Variants in MCF2L observed in about 807,000 individuals in gnomAD.
The protein encoded by MCF2L is MCF.2 cell line derived transforming sequence like.
A neutral mutation model predicts 153.4 loss-of-function variants in MCF2L; 97 were observed. The observed-to-expected ratio is 0.63, with a 90% CI of 0.54 to 0.75. MCF2L has a LOEUF of 0.75. MCF2L is among the 30% of genes least tolerant of loss of function. MCF2L has a pLI of 0.00. For synonymous variants in MCF2L, 659 were observed against 632.2 expected (o/e 1.04, Z -0.64); for missense variants, 1,347 against 1,495.2 (o/e 0.90, Z 1.64).
intron 1 of MCF2L, among the ~76,000 whole-genome samples, chr13:112,991,165 C>T (rs948041825): frequency 3.9e-5 from 6 of 152,224 alleles, no homozygotes; most frequent in African/African-American, 1.4e-4. Flanking sequence ...CACAGCACTG[C>T]CCTCACTGAG....
Position 113,046,600 on chromosome 13 carries a change from T to C in MCF2L, c.369+1239T>C, listed in dbSNP as rs2086831174. 1 of 533,278 alleles carries C rather than the reference T, an allele frequency of 1.9e-6. No homozygotes were observed. Among genetic ancestry groups the C allele is most frequent in the African/African-American group, 1.9e-5 (1 of 51,934 alleles). 33.0% of individuals were successfully genotyped at this position (533,278 alleles called of 1,614,324 possible). A position where few individuals can be genotyped will look rare whatever the true frequency, so the allele number is the denominator to read the frequency against. ...CTCATTCCTTCATCTTTTACAAGAA[T>C]TAGAGGCCCCATATCTGCTCCGATG... On this transcript the variant is annotated intron_variant, in intron 4 of 29. Transcript: ENST00000535094. This position sits in a 1 kb window ranked among gnomAD's most constrained non-coding sequence, Gnocchi z 4.4.
At chr13:112,917,842 C>T (rs1261155835) in intron 2 of MCF2L, among the ~76,000 whole-genome samples, 1 of 152,210 alleles carries the variant, frequency 6.6e-6, no homozygotes, top group Non-Finnish European at 1.5e-5. Context: ...TACAAGAAAG[C>T]TGGCTTCTAG....
chr13:113,090,535 C>T (rs1210788647), intron 26 of MCF2L: 43 of 983,928 alleles, frequency 4.4e-5, no homozygotes, highest in African/African-American at 8.9e-5. Context: ...TGGCAGAGGC[C>T]GCTCAGCCAT....
At chr13:113,095,943 G>T (rs937231139) in intron 27 of MCF2L, 2 of 508,596 alleles carry the variant, frequency 3.9e-6, no homozygotes, top group Non-Finnish European at 5.7e-6. Context: ...AGAGGAGTGA[G>T]GCTTGGGGAG....
chr13:113,029,593 G>A (rs1440954470), intron 3 of MCF2L, among the ~76,000 whole-genome samples: 2 of 152,180 alleles, frequency 1.3e-5, no homozygotes, highest in African/African-American at 4.8e-5. Flanking sequence ...TGCCCACTGC[G>A]CCCTGAGGGT....
At chr13:112,896,841 C>G (rs376828213) in intron 1 of MCF2L, among the ~76,000 whole-genome samples, 2 of 152,236 alleles carry the variant, frequency 1.3e-5, no homozygotes, top group African/African-American at 4.8e-5. Flanking sequence ...TGAGTCCCAC[C>G]ACAGAGCTTC....
chr13:112,974,258 C>T (rs2082144125), intron 1 of MCF2L, among the ~76,000 whole-genome samples: 1 of 152,182 alleles, frequency 6.6e-6, no homozygotes, highest in Admixed American at 6.5e-5. Context: ...TCCGCAAAGG[C>T]ACCCGGGCAT....
chr13:113,016,469 C>T (rs1224158044), intron 2 of MCF2L, among the ~76,000 whole-genome samples: 1 of 152,194 alleles, frequency 6.6e-6, no homozygotes, highest in East Asian at 1.9e-4. Context: ...CCGGCAACCC[C>T]TCCACGTGGG....
chr13:113,027,876 G>A lies in MCF2L; in HGVS notation c.278+3118G>A, dbSNP rs1189922705. The stretch of plus-strand genomic sequence containing the variant: ...CCCCGAGGACGTAGGCTCCAGGTGT[G>A]CTGTGGCCAGAGGGGTGTCCTGGGG... On this transcript the variant is annotated intron_variant, in intron 3 of 29. Transcript: ENST00000535094. This position sits in a 1 kb window ranked among gnomAD's most constrained non-coding sequence, Gnocchi z 4.8. 1.3e-5 allele frequency among the ~76,000 whole-genome samples: 2 copies of A among 152,234 alleles called. No individual in the cohort carries two copies. Among genetic ancestry groups the A allele is most frequent in the Non-Finnish European group, 2.9e-5 (2 of 68,034 alleles).
Position 113,064,441 on chromosome 13 carries a change from C to A in MCF2L, c.606+21C>A, listed in dbSNP as rs367784581. ...GCACGGTGAGCCGCGTCGGGGCCAG[C>A]GGGGCTGGCTGATACCAGCTCGAGT... On this transcript the variant is annotated intron_variant, in intron 6 of 29. Transcript: ENST00000535094. This position sits in a 1 kb window ranked among gnomAD's most constrained non-coding sequence, Gnocchi z 6.0. The A allele has an allele frequency of 1.3e-5, 20 of 1,529,272 alleles. No individual in the cohort carries two copies. Among genetic ancestry groups the A allele is most frequent in the Non-Finnish European group, 3.6e-6 (4 of 1,106,756 alleles). 94.7% of individuals were successfully genotyped at this position (1,529,272 alleles called of 1,614,324 possible).
chr13:113,079,310 C>A (rs950354837), intron 15 of MCF2L, among the ~76,000 whole-genome samples: 11 of 152,146 alleles, frequency 7.2e-5, no homozygotes, highest in African/African-American at 2.7e-4. Context: ...GAATGCAGGT[C>A]CCCAGAGCAA....
chr13:113,030,395 C>T (rs75647847), intron 3 of MCF2L, among the ~76,000 whole-genome samples: 9,425 of 106,518 alleles, frequency 0.088, 350 homozygotes, highest in East Asian at 0.23. Flanking sequence ...GGGTGTCCGC[C>T]GACGCAGATG....
At chr13:113,058,969 C>CTGTTTGGGTGTTGAG (rs2030877875) in intron 4 of MCF2L, among the ~76,000 whole-genome samples, 1 of 144,958 alleles carries the variant, frequency 6.9e-6, no homozygotes, top group South Asian at 2.2e-4. Context: ...TGTTTCAGCG[C>CTGTTTGGGTGTTGAG]TGTTTGGGTG....
chr13:112,926,788 C>T (rs949053289), intron 2 of MCF2L, among the ~76,000 whole-genome samples: 2 of 151,900 alleles, frequency 1.3e-5, no homozygotes, highest in Admixed American at 1.3e-4. Context: ...GAGTGGCGGT[C>T]GCCTGGGGCA....
rs372294819 is a variant in MCF2L, at chr13:113,059,879, A to G, written c.370-714A>G. Among the ~76,000 whole-genome samples, 155 of 152,354 alleles carry G rather than the reference A, an allele frequency of 1.0e-3. 3 individuals are homozygous for G. In the South Asian group the frequency reaches 0.031, roughly 30 times the overall value. ...AAGATTATTTTTATTTTTGTAGGTA[A>G]CACACACATGTGTCTATGTTGCTTT... On this transcript the variant is annotated intron_variant, in intron 4 of 29. Transcript: ENST00000535094.
rs1397821762 is a variant in MCF2L, at chr13:113,053,793, G to C, written c.370-6800G>C. Reference sequence around the variant, plus strand: ...TCTCCTCCTGTGTCCCTGCAGCTGTGTCTCCAGTGATCTTGCCTGTACTCT... The same window carrying C: ...TCTCCTCCTGTGTCCCTGCAGCTGTCTCTCCAGTGATCTTGCCTGTACTCT... On this transcript the variant is annotated intron_variant, in intron 4 of 29. Coordinates refer to ENST00000535094, the MANE Select transcript of MCF2L (RefSeq NM_001112732.3). This position sits in a 1 kb window ranked among gnomAD's most constrained non-coding sequence, Gnocchi z 4.4. Among the ~76,000 whole-genome samples, 1 of 152,168 alleles carries C rather than the reference G, an allele frequency of 6.6e-6. No individual in the cohort carries two copies. The highest frequency in any genetic ancestry group is 1.5e-5 in the Non-Finnish European group (1 of 68,036).
chr13:113,094,651 C>G lies in MCF2L; in HGVS notation c.3075+16C>G. The stretch of plus-strand genomic sequence containing the variant: ...CAAGAAGCTGGTAACCACGGCTTCC[C>G]TGTGGGCACTTGGGGTGGGGGCTGC... On this transcript the variant is annotated intron_variant, in intron 27 of 29. Coordinates refer to ENST00000535094, the MANE Select transcript of MCF2L (RefSeq NM_001112732.3). 6.2e-7 allele frequency: 1 copy of G among 1,604,106 alleles called. No homozygotes were observed. Among genetic ancestry groups the G allele is most frequent in the African/African-American group, 1.3e-5 (1 of 74,868 alleles).
rs528649654 is a variant in MCF2L, at chr13:112,907,435, G to A, written c.169+5064G>A. ...ATCCTCGGTGTTTGTGGCATGGATC[G>A]TAGTCATGGCTTGGTGGAGAATCCT... On this transcript the variant is annotated intron_variant, in intron 2 of 29. Coordinates refer to the MCF2L transcript ENST00000375608. This position sits in a 1 kb window ranked among gnomAD's most constrained non-coding sequence, Gnocchi z 5.1. Among the ~76,000 whole-genome samples the A allele has an allele frequency of 3.9e-5, 6 of 152,130 alleles. No individual in the cohort carries two copies. The highest frequency in any genetic ancestry group is 5.9e-5 in the Non-Finnish European group (4 of 67,998).
chr13:113,009,633 T>A (rs2083948778), intron 1 of MCF2L: 1 of 152,270 alleles, frequency 6.6e-6, no homozygotes, highest in Non-Finnish European at 1.5e-5. Context: ...ACGGGGATGC[T>A]GGCCTCCTGG....
Sources: allele counts gnomAD v4.1 joint callset (sites outside exome capture counted in the v4.1 genomes callset), GRCh38; gene constraint gnomAD v4.1.1; non-coding constraint Gnocchi (gnomAD v3.1); transcripts MANE v1.5; gene names NCBI Gene and HGNC (gene_info 2026-07-23, HGNC 2026-07-21).